Variants in MS4A14 observed in about 807,000 individuals in gnomAD.
The protein encoded by MS4A14 is membrane-spanning 4-domains subfamily A member 14.
In MS4A14, 18 loss-of-function variants were observed where a neutral mutation model predicts 16.7. The observed-to-expected ratio is 1.08, with a 90% CI of 0.75 to 1.60. The LOEUF is 1.60. MS4A14 is among the 40% of genes most tolerant of loss of function. MS4A14 has a pLI of 0.00. For missense variants in MS4A14, 812 were observed against 775.3 expected, an observed-to-expected ratio of 1.05 and a Z score of -0.56; for synonymous variants, 305 against 289.4, an observed-to-expected ratio of 1.05 and a Z score of -0.55.
intron 2 of MS4A14, among the ~76,000 whole-genome samples, chr11:60,399,568 C>G (rs1363478818): frequency 6.6e-6 from 1 of 152,132 alleles, no homozygotes; most frequent in East Asian, 1.9e-4. Context: ...GTTGAAGTAT[C>G]ATTGTGTTTT....
Position 60,415,866 on chromosome 11 carries a change from T to C in MS4A14, c.898T>C (p.Ser300Pro), listed in dbSNP as rs747259676. ...QTKLLQDQAASLQVFPSHSAL... is the reference protein window; with the variant it reads ...QTKLLQDQAAPLQVFPSHSAL... ...CAAGCTTCTGCAGGACCAAGCTGCG[T>C]CACTCCAAGTTTTTCCATCCCATTC... is the stretch of plus-strand genomic sequence containing the variant. The change falls in exon 5 of 5, where the codon TCA (serine) becomes CCA (proline). Residue 300 changes from serine (S) to proline (P), a missense_variant. Ser to Pro is a moderately conservative substitution (Grantham distance 74). Coordinates refer to ENST00000300187, the MANE Select transcript of MS4A14 (RefSeq NM_032597.5). 8 of 1,613,796 alleles carry C rather than the reference T, an allele frequency of 5.0e-6. No individual in the cohort carries two copies. The highest frequency in any genetic ancestry group is 3.3e-5 in the Admixed American group (2 of 59,914).
chr11:60,412,482 C>T (rs867821411), intron 4 of MS4A14, among the ~76,000 whole-genome samples: 1 of 151,552 alleles, frequency 6.6e-6, no homozygotes, highest in African/African-American at 2.4e-5. Flanking sequence ...AGGAATTTGC[C>T]CATTTCTTAT....
chr11:60,398,247 G>T (rs1406404558), intron 2 of MS4A14: 6 of 269,204 alleles, frequency 2.2e-5, no homozygotes, highest in Non-Finnish European at 3.6e-5. Context: ...TGGGAGACTA[G>T]ATGCACAAAT....
intron 3 of MS4A14, among the ~76,000 whole-genome samples, chr11:60,400,997 G>A (rs896517429): frequency 5.3e-5 from 8 of 152,018 alleles, no homozygotes; most frequent in South Asian, 4.1e-4. Context: ...AATACCAACC[G>A]AGGCTTTTCT....
rs2085621530 is a variant in MS4A14 at position 60,396,460 on chromosome 11, G to C, written c.-119G>C. ...GATTCTGAGATTCTACTACTGAGTA[G>C]AGTCATCACTAAGGGCTCATCTCTG... On this transcript the variant is annotated 5_prime_UTR_variant, in exon 1 of 5. Transcript: ENST00000300187. 3.7e-6 allele frequency: 4 copies of C among 1,068,896 alleles called. No individual in the cohort carries two copies. In the South Asian group the frequency reaches 6.9e-5, roughly 18 times the overall value. 66.2% of individuals were successfully genotyped at this position (1,068,896 alleles called of 1,614,324 possible). A position where few individuals can be genotyped will look rare whatever the true frequency, so the allele number is the denominator to read the frequency against.
intron 2 of MS4A14, among the ~76,000 whole-genome samples, chr11:60,398,858 T>A (rs1019570584): frequency 2.9e-4 from 44 of 152,238 alleles, no homozygotes; most frequent in Non-Finnish European, 2.1e-4. Flanking sequence ...ATATTCAATA[T>A]GATTTTCAAA....
chr11:60,401,930 A>T (rs900308502), intron 3 of MS4A14, among the ~76,000 whole-genome samples: 5 of 152,248 alleles, frequency 3.3e-5, no homozygotes, highest in African/African-American at 4.8e-5. Context: ...GAGGTTTGCC[A>T]CACCAAGCCA....
Position 60,403,066 on chromosome 11 carries a change from G to T in MS4A14, c.468+5G>T. On this transcript the variant is annotated splice_donor_5th_base_variant and intron_variant, in intron 4 of 4. Transcript: ENST00000300187. ...TTCAGTAGAACTCTTTTCATTGTAA[G>T]TGGTCTTATTTTGCATGAAGAATCC... 1.2e-6 allele frequency: 2 copies of T among 1,613,222 alleles called. No homozygotes were observed. The highest frequency in any genetic ancestry group is 1.7e-6 in the Non-Finnish European group (2 of 1,179,376).
intron 1 of MS4A14, among the ~76,000 whole-genome samples, chr11:60,397,114 G>A (rs2085637257): frequency 6.6e-6 from 1 of 152,180 alleles, no homozygotes; most frequent in Non-Finnish European, 1.5e-5. Flanking sequence ...ACCCAGGGGA[G>A]AGCTGTATGC....
rs1305776981 is a variant in MS4A14 at position 60,416,068 on chromosome 11, C to A, written c.1100C>A (p.Ser367Tyr). 3 of 1,612,388 alleles carry A rather than the reference C, an allele frequency of 1.9e-6. No individual in the cohort carries two copies. The East Asian group carries it at 6.7e-5, about 36-fold the overall frequency. Residue 367 changes from serine to tyrosine, a missense_variant, in exon 5 of 5, where the codon TCT (serine) becomes TAT (tyrosine). Physicochemically the swap from Ser to Tyr is moderately radical, Grantham distance 144. Transcript: ENST00000300187. ...PQGILSQDTS[S>Y]QDMLFHDMTS... ...GGCATACTATCCCAAGACACATCAT[C>A]TCAAGATATGCTGTTTCATGACATG...
Position 60,402,954 on chromosome 11 carries a change from G to T in MS4A14, c.361G>T (p.Ala121Ser). The change falls in exon 4 of 5, where the codon GCG becomes TCG. Residue 121 changes from alanine to serine, a missense_variant. Physicochemically the swap from Ala to Ser is moderately conservative, Grantham distance 99. Coordinates refer to ENST00000300187, the MANE Select transcript of MS4A14 (RefSeq NM_032597.5). The part of the protein sequence containing the change: ...TGMNVISSLV[A>S]ITGITFTILS... ...CATGAATGTTATCAGCTCCTTGGTT[G>T]CGATAACTGGGATTACTTTCACCAT... 1.2e-6 allele frequency: 2 copies of T among 1,613,776 alleles called. No individual in the cohort carries two copies. Among genetic ancestry groups the T allele is most frequent in the South Asian group, 1.1e-5 (1 of 91,070 alleles).
In MS4A14 at chr11:60,416,795, G is replaced by C; in HGVS notation, c.1827G>C (p.Gln609His). 1 of 1,613,600 alleles carries C rather than the reference G, an allele frequency of 6.2e-7. No individual in the cohort carries two copies. The highest frequency in any genetic ancestry group is 8.5e-7 in the Non-Finnish European group (1 of 1,179,810). ...CCCAGGATCAGCAAACTGAAGACCA[G>C]CCGGCCCAAGAGAAGAAATCCCCGA... ...KQTQDQQTED[Q>H]PAQEKKSPKG... The change falls in exon 5 of 5, where the codon CAG (glutamine) becomes CAC (histidine). Residue 609 changes from glutamine (Q) to histidine (H), a missense_variant. Transcript: ENST00000300187.
rs760285884 is a variant in MS4A14 at position 60,402,868 on chromosome 11, G to C, written c.319-44G>C. ...ATTTCTTACAAGATATTTTTGCTTT[G>C]GTTTCGATCTTATTTATTTTATCAT... On this transcript the variant is annotated intron_variant, in intron 3 of 4. Coordinates refer to ENST00000300187, the MANE Select transcript of MS4A14 (RefSeq NM_032597.5). The C allele has an allele frequency of 1.9e-6, 3 of 1,586,648 alleles. No individual in the cohort carries two copies. The African/African-American group carries it at 4.1e-5, about 22-fold the overall frequency.
Position 60,396,473 on chromosome 11 carries a change from G to A in MS4A14, c.-106G>A. On this transcript the variant is annotated 5_prime_UTR_variant, in exon 1 of 5. Coordinates refer to ENST00000300187, the MANE Select transcript of MS4A14 (RefSeq NM_032597.5). The stretch of plus-strand genomic sequence containing the variant: ...TACTACTGAGTAGAGTCATCACTAA[G>A]GGCTCATCTCTGAGGGCTCCATGTG... 1 of 1,254,080 alleles carries A rather than the reference G, an allele frequency of 8.0e-7. No individual in the cohort carries two copies. Among genetic ancestry groups the A allele is most frequent in the Non-Finnish European group, 1.1e-6 (1 of 906,470 alleles). 77.7% of individuals were successfully genotyped at this position (1,254,080 alleles called of 1,614,324 possible). A position where few individuals can be genotyped will look rare whatever the true frequency, so the allele number is the denominator to read the frequency against.
rs77217456 is a variant in MS4A14, at chr11:60,400,276, T to C, written c.268-128T>C. The C allele has an allele frequency of 3.6e-3, 2,075 of 576,330 alleles. 43 individuals carry two copies. The highest frequency in any genetic ancestry group is 0.034 in the African/African-American group (1,814 of 53,212). 35.7% of individuals were successfully genotyped at this position (576,330 alleles called of 1,614,324 possible). A position where few individuals can be genotyped will look rare whatever the true frequency, so the allele number is the denominator to read the frequency against. On this transcript the variant is annotated intron_variant, in intron 2 of 4. Transcript: ENST00000300187. ...TACGCCTACCTTCCCTACTCCCTGA[T>C]GCTCAGGTGGAAAAACGGGATGGTC...
Position 60,400,425 on chromosome 11 carries a change from A to G in MS4A14, c.289A>G (p.Thr97Ala). Residue 97 changes from threonine to alanine, a missense_variant, in exon 3 of 5, where the codon ACA becomes GCA. Physicochemically the swap from Thr to Ala is moderately conservative, Grantham distance 58. Coordinates refer to ENST00000300187, the MANE Select transcript of MS4A14 (RefSeq NM_032597.5). Reference sequence around the variant, plus strand: ...ACAGTTTATTCTTACAGGATACCTCACAGTAACCGATAAGAAATCAAAACT... The same window carrying G: ...ACAGTTTATTCTTACAGGATACCTCGCAGTAACCGATAAGAAATCAAAACT... ...ALIFILTGYL[T>A]VTDKKSKLLG... The G allele has an allele frequency of 1.9e-6, 3 of 1,606,722 alleles. No individual in the cohort carries two copies. In the South Asian group the frequency reaches 3.3e-5, roughly 18 times the overall value.
intron 4 of MS4A14, among the ~76,000 whole-genome samples, chr11:60,404,367 C>T (rs548684292): frequency 6.6e-6 from 1 of 152,242 alleles, no homozygotes; most frequent in African/African-American, 2.4e-5. Flanking sequence ...TTGGGCTGAC[C>T]CCTGTCCTAA....
At chr11:60,408,623 G>C (rs112147326) in intron 4 of MS4A14, among the ~76,000 whole-genome samples, 3 of 152,184 alleles carry the variant, frequency 2.0e-5, no homozygotes, top group African/African-American at 7.2e-5. Context: ...CCATGTTGTA[G>C]CATATATCAA....
At chr11:60,407,489 A>T (rs76229450) in intron 4 of MS4A14, among the ~76,000 whole-genome samples, 17 of 152,182 alleles carry the variant, frequency 1.1e-4, no homozygotes, top group African/African-American at 4.1e-4. Context: ...GTTTAACTTT[A>T]TAAGAAAATA....
Sources: allele counts gnomAD v4.1 joint callset (sites outside exome capture counted in the v4.1 genomes callset), GRCh38; gene constraint gnomAD v4.1.1; transcripts MANE v1.5; gene names NCBI Gene and HGNC (gene_info 2026-07-23, HGNC 2026-07-21).